ZFHX3: variants seen among roughly 807,000 people sequenced by gnomAD.
ZFHX3 encodes the protein zinc finger homeobox protein 3.
A neutral mutation model predicts 279.1 loss-of-function variants in ZFHX3; 42 were observed. The observed-to-expected ratio is 0.15, with a 90% CI of 0.12 to 0.19. The LOEUF (loss-of-function observed/expected upper bound fraction) is 0.19. Among genes scored for constraint, ZFHX3 ranks in the 10% least tolerant of loss-of-function variants. The pLI is 1.00. For missense variants in ZFHX3, 4,981 were observed against 4,754.0 expected (o/e 1.05, Z -1.40); for synonymous variants, 2,293 against 1,957.8 (o/e 1.17, Z -4.52).
rs1567517497 is a variant in ZFHX3, at chr16:72,796,896, G to A, written c.5786C>T (p.Pro1929Leu). Residue 1929 changes from proline (P) to leucine (L), a missense_variant, in exon 9 of 10, where the codon CCT (proline) becomes CTT (leucine). Coordinates refer to ENST00000268489, the MANE Select transcript of ZFHX3 (RefSeq NM_006885.4). ...KELAPGGGSE[P>L]SMLPPRIASD... Reference sequence around the variant, plus strand: ...AGCAATGCGTGGAGGGAGCATGGAAGGCTCAGAACCACCCCCTGGTGCCAA... The same window carrying A: ...AGCAATGCGTGGAGGGAGCATGGAAAGCTCAGAACCACCCCCTGGTGCCAA... 1 of 1,613,836 alleles carries A rather than the reference G, an allele frequency of 6.2e-7. No individual in the cohort carries two copies. The highest frequency in any genetic ancestry group is 1.1e-5 in the South Asian group (1 of 91,062).
Position 73,329,085 on chromosome 16 carries a change from C to A in ZFHX3, c.-1290-10749G>T, listed in dbSNP as rs140921807. ...TTGCTGCCTTCCTTCTCAAAATCAG[C>A]CTCATTGGTAGTTTGCAAGCAAGTG... On this transcript the variant is annotated intron_variant, in intron 3 of 17. Coordinates refer to the ZFHX3 transcript ENST00000641206. Among the ~76,000 whole-genome samples the A allele has an allele frequency of 4.3e-4, 66 of 152,364 alleles. 1 individual carries two copies. The highest frequency in any genetic ancestry group is 6.8e-3 in the Middle Eastern group (2 of 292).
chr16:73,127,416 T>G, intron 7 of ZFHX3: 1 of 1,305,342 alleles, frequency 7.7e-7, no homozygotes, highest in Non-Finnish European at 1.0e-6. Flanking sequence ...CCTTCCCAGG[T>G]AGTAGCTGGA....
chr16:73,119,327 C>T (rs1040347685), intron 7 of ZFHX3, among the ~76,000 whole-genome samples: 3 of 152,074 alleles, frequency 2.0e-5, no homozygotes, highest in African/African-American at 4.8e-5. Flanking sequence ...GGCTGGTCTC[C>T]AACTTCTGGG....
chr16:73,103,644 C>T (rs933771073), intron 7 of ZFHX3, among the ~76,000 whole-genome samples: 1 of 152,164 alleles, frequency 6.6e-6, no homozygotes, highest in Non-Finnish European at 1.5e-5. Context: ...CTCCTTTTGG[C>T]CCACTCACAG....
chr16:73,129,282 G>A (rs561876920), intron 7 of ZFHX3, among the ~76,000 whole-genome samples: 250 of 152,016 alleles, frequency 1.6e-3, no homozygotes, highest in African/African-American at 5.7e-3. Flanking sequence ...CAGCTACTCA[G>A]GAGGCTGAGG....
At chr16:72,858,958 C>G (rs148120957) in intron 4 of ZFHX3, among the ~76,000 whole-genome samples, 13 of 152,346 alleles carry the variant, frequency 8.5e-5, no homozygotes, top group African/African-American at 2.2e-4. Context: ...CGCTTTCTGT[C>G]TGCTTCTCAC....
intron 3 of ZFHX3, among the ~76,000 whole-genome samples, chr16:73,444,482 A>G (rs2018147603): frequency 6.6e-6 from 1 of 152,302 alleles, no homozygotes; most frequent in South Asian, 2.1e-4. Context: ...CTTTTTAACC[A>G]CAAGGTCAGA....
intron 1 of ZFHX3, among the ~76,000 whole-genome samples, chr16:73,786,874 C>A (rs1045113322): frequency 6.6e-6 from 1 of 152,212 alleles, no homozygotes; most frequent in Non-Finnish European, 1.5e-5. Flanking sequence ...CCCACAGAGG[C>A]AGCCAGAGCC....
intron 1 of ZFHX3, among the ~76,000 whole-genome samples, chr16:73,819,649 A>T (rs909171618): frequency 3.3e-5 from 5 of 152,138 alleles, no homozygotes; most frequent in African/African-American, 1.2e-4. Context: ...ATTATTGTGT[A>T]TAAGTCAACA....
intron 2 of ZFHX3, among the ~76,000 whole-genome samples, chr16:73,664,696 C>T (rs2052817566): frequency 6.6e-6 from 1 of 152,114 alleles, no homozygotes; most frequent in Non-Finnish European, 1.5e-5. Flanking sequence ...AGATACAGCA[C>T]AAATTATAAA....
At chr16:73,628,643 T>G (rs2052440269) in intron 2 of ZFHX3, among the ~76,000 whole-genome samples, 1 of 152,238 alleles carries the variant, frequency 6.6e-6, no homozygotes, top group African/African-American at 2.4e-5. Context: ...TAGAGAGCAC[T>G]TGTGTCTCTT....
intron 3 of ZFHX3, among the ~76,000 whole-genome samples, chr16:72,924,417 C>T (rs897052624): frequency 3.9e-5 from 6 of 152,330 alleles, no homozygotes; most frequent in African/African-American, 1.4e-4. Context: ...CCAAGGGTTC[C>T]TCAACCCAGG....
At chr16:72,822,726 C>T (rs570266985) in intron 5 of ZFHX3, among the ~76,000 whole-genome samples, 1 of 151,454 alleles carries the variant, frequency 6.6e-6, no homozygotes, top group African/African-American at 2.4e-5. Context: ...TTTATCTATA[C>T]CTTGATGATA....
At chr16:73,462,750 T>A (rs1286743836) in intron 2 of ZFHX3, among the ~76,000 whole-genome samples, 1 of 152,198 alleles carries the variant, frequency 6.6e-6, no homozygotes, top group Non-Finnish European at 1.5e-5. Context: ...CAGTCTTACA[T>A]CCCTATAATA....
intron 8 of ZFHX3, among the ~76,000 whole-genome samples, chr16:73,091,948 T>C (rs1259826864): frequency 2.6e-5 from 4 of 152,242 alleles, no homozygotes; most frequent in Admixed American, 1.3e-4. Context: ...TTAACTGCTC[T>C]TAGAAATTGG....
At chr16:73,149,439 C>T (rs1183126600) in intron 5 of ZFHX3, among the ~76,000 whole-genome samples, 4 of 151,926 alleles carry the variant, frequency 2.6e-5, no homozygotes, top group East Asian at 1.9e-4. Context: ...ATGACATTTC[C>T]GCTTATTAGT....
At chr16:73,086,529 CA>C (rs1567659839) in intron 8 of ZFHX3, among the ~76,000 whole-genome samples, 1 of 151,830 alleles carries the variant, frequency 6.6e-6, no homozygotes, top group African/African-American at 2.4e-5. Context: ...TACTCAGCTA[CA>C]AAAAAAGAAT....
intron 5 of ZFHX3, among the ~76,000 whole-genome samples, chr16:73,250,063 T>A (rs182166984): frequency 6.2e-4 from 95 of 152,348 alleles, no homozygotes; most frequent in African/African-American, 2.2e-3. Flanking sequence ...ACTTTTCAAA[T>A]GATTCTGAAA....
chr16:73,816,761 G>A (rs1175136847), intron 1 of ZFHX3, among the ~76,000 whole-genome samples: 1 of 152,174 alleles, frequency 6.6e-6, no homozygotes, highest in Non-Finnish European at 1.5e-5. Context: ...TAGAGGACCA[G>A]ACTGGATGGT....
Sources: gnomAD v4.1 joint callset for allele counts (sites outside exome capture counted in the v4.1 genomes callset) on GRCh38, gnomAD v4.1.1 for gene constraint, MANE v1.5 for transcripts, NCBI Gene and HGNC (gene_info 2026-07-23, HGNC 2026-07-21) for gene names.